OR52A1: variants seen among roughly 807,000 people sequenced by gnomAD.
OR52A1 encodes olfactory receptor family 52 subfamily A member 1, also known as olfactory receptor 52A1.
OR52A1 carries 14 observed loss-of-function variants against 14.3 expected under a neutral mutation model. The ratio of observed to expected loss-of-function variants is 0.98; its 90% CI spans 0.65 to 1.54. The LOEUF (loss-of-function observed/expected upper bound fraction) is 1.54, where lower values mean the gene tolerates loss of function less well. OR52A1 is among the 40% of genes most tolerant of loss of function. The pLI, the probability that OR52A1 is intolerant of heterozygous loss-of-function variation, is 0.00. For missense variants in OR52A1, 405 were observed against 381.3 expected (o/e 1.06, Z -0.52); for synonymous variants, 151 against 135.3 (o/e 1.12, Z -0.80).
In OR52A1 at chr11:5,151,262, G is replaced by A. The variant is rs530958545; in HGVS notation, c.*169C>T. ...CACACTTCTCACTTTCATTAGTCAC[G>A]TAGAATTCACAATCCCACTGATTGA... On this transcript the variant is annotated 3_prime_UTR_variant, in exon 2 of 2. Transcript: ENST00000380367. 16 of 597,504 alleles carry A rather than the reference G, an allele frequency of 2.7e-5. No individual in the cohort carries two copies. The highest frequency in any genetic ancestry group is 9.1e-4 in the Middle Eastern group (2 of 2,196). The allele number at this position is 597,504 out of a possible 1,614,324, so 37.0% of individuals were successfully genotyped here. A position where few individuals can be genotyped will look rare whatever the true frequency, so the allele number is the denominator to read the frequency against.
At chr11:5,154,328 G>A (rs1437954143) in intron 1 of OR52A1, 119 bp downstream of exon 1, 1 of 152,276 alleles carries the variant, frequency 6.6e-6, no homozygotes, top group Non-Finnish European at 1.5e-5. Context: ...TTAAATTATG[G>A]AGAGGAAACT....
chr11:5,154,045 T>G (rs2133538498), intron 1 of OR52A1, among the ~76,000 whole-genome samples: 1 of 152,300 alleles, frequency 6.6e-6, no homozygotes, highest in Admixed American at 6.5e-5. Flanking sequence ...ATACTTTGAT[T>G]TCCACAGATT....
chr11:5,154,033 A>G (rs1846580349), intron 1 of OR52A1, among the ~76,000 whole-genome samples: 1 of 152,182 alleles, frequency 6.6e-6, no homozygotes, highest in South Asian at 2.1e-4. Context: ...TAGGTCAATT[A>G]AATACTTTGA....
rs373509034 is a variant in OR52A1 at position 5,150,402 on chromosome 11, C to G, written c.*1029G>C. 4 of 152,226 alleles carry G rather than the reference C, an allele frequency of 2.6e-5. No homozygotes were observed. The highest frequency in any genetic ancestry group is 1.3e-4 in the Admixed American group (2 of 15,286). The allele number at this position is 152,226 out of a possible 1,614,324, so 9.4% of individuals were successfully genotyped here. On this transcript the variant is annotated 3_prime_UTR_variant, in exon 2 of 2. Coordinates refer to ENST00000380367, the MANE Select transcript of OR52A1 (RefSeq NM_012375.3). ...CCCCAAGTTCTACCTTGCACTCATA[C>G]CATATTGAAAAAACTAGAGTTACCT... is the stretch of plus-strand genomic sequence containing the variant.
At chr11:5,153,053 A>G (rs1846567637) in intron 1 of OR52A1, among the ~76,000 whole-genome samples, 1 of 152,224 alleles carries the variant, frequency 6.6e-6, no homozygotes, top group African/African-American at 2.4e-5. Flanking sequence ...AAAGGGAATT[A>G]TATTTTTTCC....
At chr11:5,153,164 T>C (rs1846568843) in intron 1 of OR52A1, among the ~76,000 whole-genome samples, 1 of 152,212 alleles carries the variant, frequency 6.6e-6, no homozygotes, top group Non-Finnish European at 1.5e-5. Context: ...AGGGACAAGA[T>C]GAGCAGCAGC....
rs1274294732 is a variant in OR52A1, at chr11:5,153,600, T to C, written c.-322+847A>G. On this transcript the variant is annotated intron_variant, in intron 1 of 1. Coordinates refer to ENST00000380367, the MANE Select transcript of OR52A1 (RefSeq NM_012375.3). ...TATAAAAGTTCTCTGATCAAAATAG[T>C]TATTTTCTAAAAATTACATATTTTG... 1.3e-5 allele frequency among the ~76,000 whole-genome samples: 2 copies of C among 152,152 alleles called. 1 individual carries two copies. Among genetic ancestry groups the C allele is most frequent in the African/African-American group, 4.8e-5 (2 of 41,442 alleles).
intron 1 of OR52A1, among the ~76,000 whole-genome samples, chr11:5,154,111 T>C (rs908433434): frequency 6.6e-6 from 1 of 152,152 alleles, no homozygotes; most frequent in Non-Finnish European, 1.5e-5. Context: ...TGGCTTTTTC[T>C]AATAGGGGCA....
rs921709160 is a variant in OR52A1, at chr11:5,152,666, G to T, written c.-297C>A. On this transcript the variant is annotated 5_prime_UTR_variant, in exon 2 of 2. Coordinates refer to ENST00000380367, the MANE Select transcript of OR52A1 (RefSeq NM_012375.3). ...ACCTGGACAGGGGATTGGACTACTGGCCAGTCTGTTATTTCTTTCCAGACC... is the reference window on the plus strand; with the variant it reads ...ACCTGGACAGGGGATTGGACTACTGTCCAGTCTGTTATTTCTTTCCAGACC... 2 of 285,118 alleles carry T rather than the reference G, an allele frequency of 7.0e-6. No homozygotes were observed. Among genetic ancestry groups the T allele is most frequent in the Non-Finnish European group, 1.4e-5 (2 of 142,826 alleles). 17.7% of individuals were successfully genotyped at this position (285,118 alleles called of 1,614,324 possible).
In OR52A1 at chr11:5,151,953, G is replaced by A. The variant is rs765380132; in HGVS notation, c.417C>T (p.Thr139=). Residue 139 remains threonine (T), a synonymous_variant, in exon 2 of 2, where the codon ACC becomes ACT. Coordinates refer to ENST00000380367, the MANE Select transcript of OR52A1 (RefSeq NM_012375.3). ...CYPLRHANIF[T]HQLVIQIGTM... is the part of the protein sequence containing the mutation. ...TTCCTATCTGAATGACAAGCTGGTG[G>A]GTGAAGATGTTGGCATGTCTTAGTG... 8 of 1,614,048 alleles carry A rather than the reference G, an allele frequency of 5.0e-6. No individual in the cohort carries two copies. The highest frequency in any genetic ancestry group is 5.9e-6 in the Non-Finnish European group (7 of 1,179,994).
Position 5,150,964 on chromosome 11 carries a change from T to G in OR52A1, c.*467A>C, listed in dbSNP as rs1205659199. The G allele has an allele frequency of 1.3e-5, 2 of 152,720 alleles. No individual in the cohort carries two copies. The highest frequency in any genetic ancestry group is 3.8e-4 in the East Asian group (2 of 5,202). The allele number at this position is 152,720 out of a possible 1,614,324, so 9.5% of individuals were successfully genotyped here. A position where few individuals can be genotyped will look rare whatever the true frequency, so the allele number is the denominator to read the frequency against. Reference sequence around the variant, plus strand: ...TTTTAGGCTTTATTGTCTCTTGATATTCATAAGATTTTCTTTGACAAGAAC... The same window carrying G: ...TTTTAGGCTTTATTGTCTCTTGATAGTCATAAGATTTTCTTTGACAAGAAC... On this transcript the variant is annotated 3_prime_UTR_variant, in exon 2 of 2. Transcript: ENST00000380367.
rs941689485 is a variant in OR52A1, at chr11:5,150,439, A to C, written c.*992T>G. The C allele has an allele frequency of 6.6e-6, 1 of 152,158 alleles. No homozygotes were observed. The highest frequency in any genetic ancestry group is 1.5e-5 in the Non-Finnish European group (1 of 68,028). The allele number at this position is 152,158 out of a possible 1,614,324, so 9.4% of individuals were successfully genotyped here. A position where few individuals can be genotyped will look rare whatever the true frequency, so the allele number is the denominator to read the frequency against. ...AACTAGAGTTACCTTAAACTACATT[A>C]TCTAGTTTAAATCTCCTCTACTATC... On this transcript the variant is annotated 3_prime_UTR_variant, in exon 2 of 2. Transcript: ENST00000380367.
rs964272983 is a variant in OR52A1, at chr11:5,147,188, C to T, written c.*4243G>A. ...TTGTCCCAATATTATTCTTTAGTAA[C>T]TTGTAAACCATGATGTTGAGTCTCT... On this transcript the variant is annotated 3_prime_UTR_variant, in exon 2 of 2. Transcript: ENST00000380367. 5 of 151,946 alleles carry T rather than the reference C, an allele frequency of 3.3e-5. No homozygotes were observed. The highest frequency in any genetic ancestry group is 4.8e-5 in the African/African-American group (2 of 41,358). The allele number at this position is 151,946 out of a possible 1,614,324, so 9.4% of individuals were successfully genotyped here.
Position 5,152,501 on chromosome 11 carries a change from C to G in OR52A1, c.-132G>C. On this transcript the variant is annotated 5_prime_UTR_variant, in exon 2 of 2. Coordinates refer to ENST00000380367, the MANE Select transcript of OR52A1 (RefSeq NM_012375.3). The stretch of plus-strand genomic sequence containing the variant: ...GATTTGGGTATAACTCTAAAATCAT[C>G]CATCTTATTCACAGTTTTGAAAGGA... 1 of 639,360 alleles carries G rather than the reference C, an allele frequency of 1.6e-6. No individual in the cohort carries two copies. Among genetic ancestry groups the G allele is most frequent in the East Asian group, 2.8e-5 (1 of 36,212 alleles). 39.6% of individuals were successfully genotyped at this position (639,360 alleles called of 1,614,324 possible).
chr11:5,149,175 T>C lies in OR52A1; in HGVS notation c.*2256A>G, dbSNP rs1846515512. The C allele has an allele frequency of 6.6e-6, 1 of 152,212 alleles. No individual in the cohort carries two copies. The highest frequency in any genetic ancestry group is 2.1e-4 in the South Asian group (1 of 4,834). The allele number at this position is 152,212 out of a possible 1,614,324, so 9.4% of individuals were successfully genotyped here. ...ATTTGTTTCTTCTGTTTTCTATTAGTAAGTCTCAGCTTGGGACTGATCCTG... is the reference window on the plus strand; with the variant it reads ...ATTTGTTTCTTCTGTTTTCTATTAGCAAGTCTCAGCTTGGGACTGATCCTG... On this transcript the variant is annotated 3_prime_UTR_variant, in exon 2 of 2. Transcript: ENST00000380367.
At position 5,151,911 on chromosome 11, in the gene OR52A1, C is replaced by A. The variant is rs376770706; in HGVS notation, c.459G>T (p.Arg153Ser). 6 of 1,613,962 alleles carry A rather than the reference C, an allele frequency of 3.7e-6. No individual in the cohort carries two copies. The East Asian group carries it at 1.3e-4, about 36-fold the overall frequency. The change falls in exon 2 of 2, where the codon AGG becomes AGT. Residue 153 changes from arginine to serine, a missense_variant. Arg to Ser is a moderately radical substitution (Grantham distance 110). Transcript: ENST00000380367. Reference protein sequence around the residue: ...VIQIGTMVVLRAAILVAPCLV... With the variant: ...VIQIGTMVVLSAAILVAPCLV... ...GGCATGGGGCTACAAGAATAGCAGC[C>A]CTGAGTACGACCATAGTTCCTATCT...
rs1846559316 is a variant in OR52A1 at position 5,152,415 on chromosome 11, A to T, written c.-46T>A. ...TGCAAACAAAAGAAGTTTCTCAGTC[A>T]GTGTTACTGTTCCTCTTCTGCTTTC... is the stretch of plus-strand genomic sequence containing the variant. On this transcript the variant is annotated 5_prime_UTR_variant, in exon 2 of 2. Transcript: ENST00000380367. 4 of 1,353,644 alleles carry T rather than the reference A, an allele frequency of 3.0e-6. No individual in the cohort carries two copies. Among genetic ancestry groups the T allele is most frequent in the Non-Finnish European group, 4.1e-6 (4 of 979,010 alleles). The allele number at this position is 1,353,644 out of a possible 1,614,324, so 83.9% of individuals were successfully genotyped here.
chr11:5,147,687 G>A lies in OR52A1; in HGVS notation c.*3744C>T, dbSNP rs1846495037. 1 of 151,930 alleles carries A rather than the reference G, an allele frequency of 6.6e-6. No individual in the cohort carries two copies. The highest frequency in any genetic ancestry group is 1.5e-5 in the Non-Finnish European group (1 of 68,022). 9.4% of individuals were successfully genotyped at this position (151,930 alleles called of 1,614,324 possible). Reference sequence around the variant, plus strand: ...TGCATATATGTGTATATACATATATGTATGCATAACCTATTGGTTTTGTAC... The same window carrying A: ...TGCATATATGTGTATATACATATATATATGCATAACCTATTGGTTTTGTAC... On this transcript the variant is annotated 3_prime_UTR_variant, in exon 2 of 2. Coordinates refer to ENST00000380367, the MANE Select transcript of OR52A1 (RefSeq NM_012375.3).
At position 5,152,651 on chromosome 11, in the gene OR52A1, G is replaced by C. The variant is rs917479898; in HGVS notation, c.-282C>G. 6.2e-6 allele frequency: 2 copies of C among 322,522 alleles called. No homozygotes were observed. The highest frequency in any genetic ancestry group is 4.3e-5 in the African/African-American group (2 of 46,932). The allele number at this position is 322,522 out of a possible 1,614,324, so 20.0% of individuals were successfully genotyped here. A position where few individuals can be genotyped will look rare whatever the true frequency, so the allele number is the denominator to read the frequency against. The stretch of plus-strand genomic sequence containing the variant: ...AGAACCAGCAAAATCACCTGGACAG[G>C]GGATTGGACTACTGGCCAGTCTGTT... On this transcript the variant is annotated 5_prime_UTR_variant, in exon 2 of 2. Transcript: ENST00000380367.
Sources: allele counts gnomAD v4.1 joint callset (sites outside exome capture counted in the v4.1 genomes callset), GRCh38; gene constraint gnomAD v4.1.1; transcripts MANE v1.5; gene names NCBI Gene and HGNC (gene_info 2026-07-23, HGNC 2026-07-21).